The following ATP1A3 variants were observed in gnomAD, a reference collection of about 807,000 sequenced individuals.
ATP1A3 encodes the protein ATPase Na+/K+ transporting subunit alpha 3.
A neutral mutation model predicts 108.8 loss-of-function variants in ATP1A3; 12 were observed. The ratio of observed to expected loss-of-function variants is 0.11; its 90% confidence interval spans 0.07 to 0.18. The LOEUF (loss-of-function observed/expected upper bound fraction) is 0.18. Ranked by LOEUF, ATP1A3 falls within the 10% of genes least tolerant of loss-of-function variation. The pLI is 1.00. For missense variants in ATP1A3, 498 were observed against 1,387.7 expected (o/e 0.36, Z 10.19); for synonymous variants, 539 against 564.5 (o/e 0.95, Z 0.64).
intron 1 of ATP1A3, chr19:41,993,488 C>T: frequency 6.7e-7 from 1 of 1,489,350 alleles, no homozygotes; most frequent in East Asian, 2.5e-5. Flanking sequence ...CAGGCTGCGA[C>T]ACTGCGGAGC....
chr19:41,975,512 G>A, intron 16 of ATP1A3, 117 bp downstream of exon 16: 1 of 1,450,476 alleles, frequency 6.9e-7, no homozygotes, highest in Non-Finnish European at 9.4e-7. Context: ...CTCCTCCAGG[G>A]CCAGGGGGCC....
chr19:41,986,059 C>T (rs1429671282), intron 5 of ATP1A3, 57 bp downstream of exon 5: 67 of 1,614,032 alleles, frequency 4.2e-5, no homozygotes, highest in Non-Finnish European at 5.3e-5. Flanking sequence ...TCACTGGGCC[C>T]GGCCCCCAGC....
chr19:41,980,497 C>T lies in ATP1A3; in HGVS notation c.1437+1005G>A, dbSNP rs1038508287. On this transcript the variant is annotated intron_variant, in intron 11 of 22. Transcript: ENST00000648268. ...GGTGTGGTGGTGCACGCCTCTAATT[C>T]CAGCTACTCGGGAGGCTGAGATATG... Among the ~76,000 whole-genome samples the T allele has an allele frequency of 2.0e-5, 3 of 152,142 alleles. 1 individual carries two copies. Among genetic ancestry groups the T allele is most frequent in the South Asian group, 4.1e-4 (2 of 4,828 alleles).
In ATP1A3 at chr19:41,988,681, TG is replaced by T. The variant is rs1353402984; in HGVS notation, c.7-120del. On this transcript the variant is annotated intron_variant, in intron 1 of 22. Coordinates refer to ENST00000648268, the MANE Select transcript of ATP1A3 (RefSeq NM_152296.5). The surrounding 1 kb of genome is among the most constrained non-coding windows in gnomAD (Gnocchi z 5.3). ...CTCCTGGCCGGTGCCCCTGCATCTCTGGGTGGGGGGTCTCTGTCTGCCTCTC... is the reference window on the plus strand; with the variant it reads ...CTCCTGGCCGGTGCCCCTGCATCTCTGGTGGGGGGTCTCTGTCTGCCTCTC... The T allele has an allele frequency of 8.2e-6, 13 of 1,586,568 alleles. No homozygotes were observed. Among genetic ancestry groups the T allele is most frequent in the Non-Finnish European group, 1.1e-5 (13 of 1,168,506 alleles).
intron 1 of ATP1A3, chr19:41,993,239 G>T: frequency 1.9e-6 from 1 of 525,470 alleles, no homozygotes. Flanking sequence ...GCAAGGGTCA[G>T]GTGGTCAGCC....
chr19:41,988,577 T>C lies in ATP1A3; in HGVS notation c.7-15A>G. On this transcript the variant is annotated splice_polypyrimidine_tract_variant and intron_variant, in intron 1 of 22. Coordinates refer to ENST00000648268, the MANE Select transcript of ATP1A3 (RefSeq NM_152296.5). This position sits in a 1 kb window ranked among gnomAD's most constrained non-coding sequence, Gnocchi z 5.3. ...TCTTTCTTGTCCTGCGAGGTGGCGA[T>C]ACGATAGCTGTCAGAGCCACCAGAC... 1.2e-6 allele frequency: 2 copies of C among 1,614,152 alleles called. No individual in the cohort carries two copies. The highest frequency in any genetic ancestry group is 1.1e-5 in the South Asian group (1 of 91,076).
At chr19:41,982,825 AG>A (rs1357675804) in intron 8 of ATP1A3, among the ~76,000 whole-genome samples, 7 of 152,244 alleles carry the variant, frequency 4.6e-5, no homozygotes, top group African/African-American at 1.7e-4. Context: ...TTCCGTTAAT[AG>A]GAAGTTTGAA....
rs1568862012 is a variant in ATP1A3 at position 41,981,420 on chromosome 19, A to G, written c.1437+82T>C. ...ATCATTCCCATTTTACAGACGGGAA[A>G]ATCAAGGCTCTATGACACCTCTTTA... On this transcript the variant is annotated intron_variant, in intron 11 of 22. Transcript: ENST00000648268. This position sits in a 1 kb window ranked among gnomAD's most constrained non-coding sequence, Gnocchi z 5.0. 1 of 1,605,402 alleles carries G rather than the reference A, an allele frequency of 6.2e-7. No homozygotes were observed. Among genetic ancestry groups the G allele is most frequent in the East Asian group, 2.2e-5 (1 of 44,824 alleles).
chr19:41,990,786 C>G (rs2075330642), intron 1 of ATP1A3: 1 of 151,846 alleles, frequency 6.6e-6, no homozygotes, highest in Admixed American at 6.6e-5. Context: ...CACTTTCTCT[C>G]TGGGATCTTA....
In ATP1A3 at chr19:41,970,548, G is replaced by A; in HGVS notation, c.2264-6C>T. The A allele has an allele frequency of 6.2e-7, 1 of 1,613,896 alleles. No homozygotes were observed. The highest frequency in any genetic ancestry group is 1.1e-5 in the South Asian group (1 of 91,078). On this transcript the variant is annotated splice_region_variant and splice_polypyrimidine_tract_variant and intron_variant, in intron 16 of 22. Transcript: ENST00000648268. ...GTTGTCGAAGATCAGGCGGCCTGTG[G>A]CACAGGCAGGCTCAGAGCAGGCGCC...
In ATP1A3 at chr19:41,976,536, G is replaced by C; in HGVS notation, c.1974C>G (p.Thr658=). The C allele has an allele frequency of 6.2e-7, 1 of 1,614,132 alleles. No homozygotes were observed. The highest frequency in any genetic ancestry group is 8.5e-7 in the Non-Finnish European group (1 of 1,180,026). Residue 658 remains threonine, a synonymous_variant, in exon 15 of 23, where the codon ACC becomes ACG. Coordinates refer to ENST00000648268, the MANE Select transcript of ATP1A3 (RefSeq NM_152296.5). Reference sequence around the variant, plus strand: ...GCTCGGAGGTGAAGTCCTTGAGGTCGGTGCCGTGGATCACGCAGGCCTTGG... The same window carrying C: ...GCTCGGAGGTGAAGTCCTTGAGGTCCGTGCCGTGGATCACGCAGGCCTTGG... ...RDAKACVIHG[T]DLKDFTSEQI... is the part of the protein sequence containing the mutation.
intron 4 of ATP1A3, chr19:41,986,632 G>T: frequency 3.9e-6 from 1 of 259,124 alleles, no homozygotes. Context: ...TAGTAGAGAT[G>T]GGGCTTCACC....
chr19:41,982,072 C>T lies in ATP1A3; in HGVS notation c.1028G>A (p.Arg343Gln), dbSNP rs782244845. 2 of 1,614,144 alleles carry T rather than the reference C, an allele frequency of 1.2e-6. No homozygotes were observed. The highest frequency in any genetic ancestry group is 2.2e-5 in the East Asian group (1 of 44,882). Residue 343 changes from arginine (R) to glutamine (Q), a missense_variant, in exon 9 of 23, where the codon CGG (arginine) becomes CAG (glutamine). Around this residue, in one of 9 missense-constraint regions of ATP1A3, gnomAD observed 127 missense variants for 464.0 expected, o/e 0.27. Transcript: ENST00000648268. Reference sequence around the variant, plus strand: ...CAGGTTCTTCACCAGGCAGTTCTTCCGGGCCATGCGCTTGGCGGTCAGCGT... The same window carrying T: ...CAGGTTCTTCACCAGGCAGTTCTTCTGGGCCATGCGCTTGGCGGTCAGCGT... ...CLTLTAKRMA[R>Q]KNCLVKNLEA...
chr19:41,979,432 G>A (rs2317633), intron 11 of ATP1A3, among the ~76,000 whole-genome samples: 136,174 of 152,042 alleles, frequency 0.9, 61,255 homozygotes, highest in African/African-American at 0.97. Context: ...CTCCCGCTTC[G>A]GTCTCCCACG....
intron 14 of ATP1A3, among the ~76,000 whole-genome samples, chr19:41,977,100 G>A (rs1371658486): frequency 1.3e-5 from 2 of 151,530 alleles, no homozygotes; most frequent in East Asian, 4.0e-4. Context: ...GAGCCACTGC[G>A]CCCAGCCAAG....
In ATP1A3 at chr19:41,988,990, G is replaced by T. The variant is rs2075311640; in HGVS notation, c.7-428C>A. ...AACAATGTCTCACTCTGATGCCCAG[G>T]CTGGAGTGCAGCAATCACAGCTCAC... On this transcript the variant is annotated intron_variant, in intron 1 of 22. Transcript: ENST00000648268. This position sits in a 1 kb window ranked among gnomAD's most constrained non-coding sequence, Gnocchi z 5.3. 6.6e-6 allele frequency among the ~76,000 whole-genome samples: 1 copy of T among 152,162 alleles called. No individual in the cohort carries two copies. The highest frequency in any genetic ancestry group is 6.5e-5 in the Admixed American group (1 of 15,270).
intron 1 of ATP1A3, among the ~76,000 whole-genome samples, chr19:41,992,408 T>A (rs1445014029): frequency 1.3e-5 from 2 of 152,018 alleles, no homozygotes; most frequent in African/African-American, 2.4e-5. Context: ...CCTCTGCAGC[T>A]CCTTGCCATT....
At chr19:41,993,180 C>T (rs1367717118) in intron 1 of ATP1A3, 21 of 430,716 alleles carry the variant, frequency 4.9e-5, no homozygotes, top group Non-Finnish European at 8.2e-5. Flanking sequence ...CCTGATTCCC[C>T]CTCCCTTCAG....
Position 41,988,703 on chromosome 19 carries a change from CTCTCGGGGTCTCCCTGTG to C in ATP1A3, c.7-159_7-142del. ...CTCTGGGTGGGGGGTCTCTGTCTGC[CTCTCGGGGTCTCCCTGTG>C]TCTCCCGGAGCCTCTGGGTGACTTC... On this transcript the variant is annotated intron_variant, in intron 1 of 22. Coordinates refer to ENST00000648268, the MANE Select transcript of ATP1A3 (RefSeq NM_152296.5). The surrounding 1 kb of genome is among the most constrained non-coding windows in gnomAD (Gnocchi z 5.3). The C allele has an allele frequency of 6.5e-7, 1 of 1,527,330 alleles. No homozygotes were observed. The highest frequency in any genetic ancestry group is 8.8e-7 in the Non-Finnish European group (1 of 1,138,908). The allele number at this position is 1,527,330 out of a possible 1,614,324, so 94.6% of individuals were successfully genotyped here.
Sources: gnomAD v4.1 joint callset for allele counts (sites outside exome capture counted in the v4.1 genomes callset) on GRCh38, gnomAD v4.1.1 for gene constraint, gnomAD v4.1.1 regional missense constraint, Gnocchi (gnomAD v3.1) non-coding constraint, MANE v1.5 for transcripts, NCBI Gene and HGNC (gene_info 2026-07-23, HGNC 2026-07-21) for gene names.